Variants in CNTNAP2 observed in about 807,000 individuals in gnomAD.
The protein encoded by CNTNAP2 is contactin-associated protein-like 2.
In CNTNAP2, 98 loss-of-function variants were observed where a neutral mutation model predicts 155.2. That is an observed-to-expected ratio of 0.63 (90% CI 0.54 to 0.75). The LOEUF is 0.75. Among genes scored for constraint, CNTNAP2 ranks in the 30% least tolerant of loss-of-function variants. The pLI is 0.00. For missense variants in CNTNAP2, 1,727 were observed against 1,688.1 expected (o/e 1.02, Z -0.40); for synonymous variants, 651 against 631.2 (o/e 1.03, Z -0.47).
intron 12 of CNTNAP2, among the ~76,000 whole-genome samples, chr7:147,598,747 T>C (rs757020416): frequency 3.9e-5 from 6 of 152,128 alleles, no homozygotes; most frequent in Non-Finnish European, 4.4e-5. Flanking sequence ...CCACATGTCA[T>C]GGGAGGTACC....
intron 9 of CNTNAP2, among the ~76,000 whole-genome samples, chr7:147,352,452 G>C (rs895257034): frequency 6.6e-6 from 1 of 151,960 alleles, no homozygotes; most frequent in African/African-American, 2.4e-5. Context: ...TATTTAAATG[G>C]CATATTCAAT....
At chr7:147,645,765 T>G (rs1011182140) in intron 13 of CNTNAP2, among the ~76,000 whole-genome samples, 1 of 152,176 alleles carries the variant, frequency 6.6e-6, no homozygotes, top group Non-Finnish European at 1.5e-5. Context: ...AAGATTCATA[T>G]GAGTTAACTA....
chr7:146,169,548 A>G (rs768273300), intron 1 of CNTNAP2, among the ~76,000 whole-genome samples: 14 of 152,164 alleles, frequency 9.2e-5, no homozygotes, highest in Non-Finnish European at 1.6e-4. Context: ...AGTATACAGT[A>G]TAGTATAATT....
At chr7:147,502,743 A>ATATATC (rs1798841102) in intron 11 of CNTNAP2, among the ~76,000 whole-genome samples, 1 of 92,888 alleles carries the variant, frequency 1.1e-5, no homozygotes, top group South Asian at 3.3e-4. Flanking sequence ...GTGTGTGTGT[A>ATATATC]TATATATATA....
chr7:146,765,800 G>T (rs1802184024), intron 1 of CNTNAP2, among the ~76,000 whole-genome samples: 1 of 152,150 alleles, frequency 6.6e-6, no homozygotes, highest in Non-Finnish European at 1.5e-5. Context: ...AAAAGTGAAG[G>T]TAGTATTTGC....
chr7:146,258,879 GTTTC>G (rs1409312707), intron 1 of CNTNAP2, among the ~76,000 whole-genome samples: 7 of 152,270 alleles, frequency 4.6e-5, no homozygotes, highest in Non-Finnish European at 1.0e-4. Context: ...AATAAGCCAT[GTTTC>G]TTAATTATGT....
At chr7:147,984,440 A>T (rs10269138) in intron 15 of CNTNAP2, among the ~76,000 whole-genome samples, 15,757 of 152,228 alleles carry the variant, frequency 0.1, 1,074 homozygotes, top group African/African-American at 0.2. Flanking sequence ...CAATGTTATT[A>T]GGTGCTTTGC....
chr7:146,267,521 GTGA>G (rs1800015152), intron 1 of CNTNAP2, among the ~76,000 whole-genome samples: 1 of 152,162 alleles, frequency 6.6e-6, no homozygotes, highest in South Asian at 2.1e-4. Flanking sequence ...AAACCCCAAG[GTGA>G]TGATAATAGG....
chr7:148,354,840 TG>T (rs2116604905), intron 21 of CNTNAP2, among the ~76,000 whole-genome samples: 1 of 152,250 alleles, frequency 6.6e-6, no homozygotes, highest in Non-Finnish European at 1.5e-5. Context: ...TGAGCATGCC[TG>T]GGGACAGACC....
intron 12 of CNTNAP2, among the ~76,000 whole-genome samples, chr7:147,620,813 G>C (rs183231545): frequency 6.6e-6 from 1 of 152,146 alleles, no homozygotes; most frequent in East Asian, 1.9e-4. Context: ...AAAAGAGATG[G>C]GGTAGACAGT....
intron 3 of CNTNAP2, among the ~76,000 whole-genome samples, chr7:146,914,220 G>A (rs1796347530): frequency 6.6e-6 from 1 of 151,952 alleles, no homozygotes; most frequent in South Asian, 2.1e-4. Context: ...ATTTGGGCTG[G>A]TTCCATTTTT....
chr7:147,976,672 A>G (rs956714485), intron 14 of CNTNAP2, among the ~76,000 whole-genome samples: 1 of 152,150 alleles, frequency 6.6e-6, no homozygotes, highest in African/African-American at 2.4e-5. Context: ...ACAAATATTC[A>G]CTGACATTCA....
chr7:148,330,442 C>T (rs1376901198), intron 21 of CNTNAP2, among the ~76,000 whole-genome samples: 15 of 118,460 alleles, frequency 1.3e-4, no homozygotes, highest in East Asian at 8.8e-4. Context: ...ATGGAGCAGA[C>T]GGGTGGAGCA....
At chr7:146,329,066 A>G (rs1002109883) in intron 1 of CNTNAP2, among the ~76,000 whole-genome samples, 3 of 152,164 alleles carry the variant, frequency 2.0e-5, no homozygotes, top group Admixed American at 6.5e-5. Context: ...GGATTGCTAG[A>G]CCATATGGGA....
At chr7:146,385,415 A>G (rs896807104) in intron 1 of CNTNAP2, among the ~76,000 whole-genome samples, 1 of 152,202 alleles carries the variant, frequency 6.6e-6, no homozygotes, top group Non-Finnish European at 1.5e-5. Context: ...AACAAAATGC[A>G]AAGAATACCC....
At chr7:146,564,508 T>G (rs1057094877) in intron 1 of CNTNAP2, among the ~76,000 whole-genome samples, 1 of 149,276 alleles carries the variant, frequency 6.7e-6, no homozygotes, top group African/African-American at 2.4e-5. Context: ...ATATTAGAGT[T>G]GTATATTATA....
chr7:147,515,513 G>A (rs1035191781), intron 11 of CNTNAP2, among the ~76,000 whole-genome samples: 2 of 151,738 alleles, frequency 1.3e-5, no homozygotes, highest in African/African-American at 4.8e-5. Flanking sequence ...AGTGGAGATG[G>A]GGTTTTACCA....
intron 13 of CNTNAP2, among the ~76,000 whole-genome samples, chr7:147,856,629 C>CT (rs3055148): frequency 0.1 from 14,687 of 145,148 alleles, 1,113 homozygotes; most frequent in African/African-American, 0.21. Context: ...ATTAGTTTGG[C>CT]TTTTTTTTTT....
Position 147,952,182 on chromosome 7 carries a change from C to A in CNTNAP2, c.2256-25680C>A, listed in dbSNP as rs1342287376. On this transcript the variant is annotated intron_variant, in intron 14 of 23. Coordinates refer to ENST00000361727, the MANE Select transcript of CNTNAP2 (RefSeq NM_014141.6). The stretch of plus-strand genomic sequence containing the variant: ...TTTCGGCCAGGCACGGTGGCCCACA[C>A]CTGTAATCCCAGCACTTTGGGAGGC... 5.6e-5 allele frequency among the ~76,000 whole-genome samples: 8 copies of A among 142,000 alleles called. No individual in the cohort carries two copies. In the Admixed American group the frequency reaches 5.8e-4, roughly 10 times the overall value. The allele number at this position is 142,000 out of a possible 152,430, so 93.2% of individuals were successfully genotyped here.
Sources: allele counts gnomAD v4.1 joint callset (sites outside exome capture counted in the v4.1 genomes callset), GRCh38; gene constraint gnomAD v4.1.1; transcripts MANE v1.5; gene names NCBI Gene and HGNC (gene_info 2026-07-23, HGNC 2026-07-21).